VEPH1: variants seen among roughly 807,000 people sequenced by gnomAD.
VEPH1 encodes the protein ventricular zone-expressed PH domain-containing protein homolog 1.
In VEPH1, 80 loss-of-function variants were observed where a neutral mutation model predicts 85.2. That is an observed-to-expected ratio of 0.94 (90% CI 0.78 to 1.13). The LOEUF (loss-of-function observed/expected upper bound fraction) is 1.13. Among genes scored for constraint, VEPH1 ranks in the 50% most tolerant of loss-of-function variants. The pLI is 0.00. For missense variants in VEPH1, 955 were observed against 980.5 expected (o/e 0.97, Z 0.35); for synonymous variants, 297 against 348.0 (o/e 0.85, Z 1.63).
chr3:157,424,237 G>A (rs1033535151), intron 5 of VEPH1, among the ~76,000 whole-genome samples: 6 of 152,296 alleles, frequency 3.9e-5, no homozygotes, highest in South Asian at 2.1e-4. Flanking sequence ...CTGCCACCAT[G>A]TAAGAAGTGC....
intron 1 of VEPH1, among the ~76,000 whole-genome samples, chr3:157,501,781 C>A (rs548912575): frequency 8.1e-4 from 124 of 152,306 alleles, no homozygotes; most frequent in African/African-American, 2.8e-3. Context: ...GGCTTCCTCA[C>A]TTCAGAAAAT....
chr3:157,479,092 G>T (rs1372186078), intron 2 of VEPH1, among the ~76,000 whole-genome samples: 2 of 152,120 alleles, frequency 1.3e-5, no homozygotes, highest in Non-Finnish European at 2.9e-5. Flanking sequence ...TTTGGCAAGG[G>T]ATCAGCTTTG....
chr3:157,286,525 A>G, intron 12 of VEPH1, 32 bp downstream of exon 12: 7 of 1,574,050 alleles, frequency 4.4e-6, no homozygotes, highest in Non-Finnish European at 6.1e-6. Flanking sequence ...TGGGGCACAA[A>G]TGGTTCTTAG....
intron 2 of VEPH1, among the ~76,000 whole-genome samples, chr3:157,471,712 AT>A (rs1736976422): frequency 7.3e-6 from 1 of 137,024 alleles, no homozygotes; most frequent in Non-Finnish European, 1.6e-5. Flanking sequence ...AGGTGACCTC[AT>A]CTTTTTTTTT....
At chr3:157,463,598 C>G (rs1736082275) in intron 3 of VEPH1, among the ~76,000 whole-genome samples, 1 of 152,130 alleles carries the variant, frequency 6.6e-6, no homozygotes, top group Admixed American at 6.5e-5. Flanking sequence ...CTGGCTGCTC[C>G]CTTCCCCAGA....
At position 157,404,246 on chromosome 3, in the gene VEPH1, GC is replaced by G. The variant is rs1730989733; in HGVS notation, c.906+9634del. 3.3e-5 allele frequency among the ~76,000 whole-genome samples: 5 copies of G among 152,242 alleles called. No homozygotes were observed. The South Asian group carries it at 1.0e-3, about 32-fold the overall frequency. On this transcript the variant is annotated intron_variant, in intron 6 of 13. Coordinates refer to ENST00000362010, the MANE Select transcript of VEPH1 (RefSeq NM_001167912.2). ...AGCTAATTACTTGAGGGGGGGTTATGCCAGGGCCACGAGGAGGTATAAGGTA... is the reference window on the plus strand; with the variant it reads ...AGCTAATTACTTGAGGGGGGGTTATGCAGGGCCACGAGGAGGTATAAGGTA...
chr3:157,385,264 A>G (rs965050981), intron 6 of VEPH1, among the ~76,000 whole-genome samples: 1 of 150,026 alleles, frequency 6.7e-6, no homozygotes, highest in African/African-American at 2.4e-5. Flanking sequence ...ATATTTTTCC[A>G]CTCCTTTTTC....
At chr3:157,480,233 A>G (rs1322607560) in intron 2 of VEPH1, among the ~76,000 whole-genome samples, 1 of 151,962 alleles carries the variant, frequency 6.6e-6, no homozygotes, top group African/African-American at 2.4e-5. Context: ...TCTGTTGCCA[A>G]TGAATTCCTT....
intron 8 of VEPH1, 63 bp from the exon 9 acceptor site, chr3:157,363,824 A>C: frequency 6.5e-7 from 1 of 1,540,440 alleles, no homozygotes; most frequent in South Asian, 1.2e-5. Context: ...AAGGAAAAGA[A>C]ATAATAATAA....
chr3:157,398,137 G>A (rs1225989540), intron 6 of VEPH1, among the ~76,000 whole-genome samples: 3 of 152,148 alleles, frequency 2.0e-5, no homozygotes, highest in South Asian at 4.1e-4. Context: ...ACTTATTTGT[G>A]TTCTCACAAC....
At position 157,428,488 on chromosome 3, in the gene VEPH1, C is replaced by T; in HGVS notation, c.530G>A (p.Gly177Asp). Reference sequence around the variant, plus strand: ...TAACACTCTCAACAACATGGTGTTACCTGTTGAGGGAACAATAAAGGGAAT... The same window carrying T: ...TAACACTCTCAACAACATGGTGTTATCTGTTGAGGGAACAATAAAGGGAAT... The part of the protein sequence containing the change: ...TEVIVKSILQ[G>D]NTMLLRVLPA... The change falls in exon 5 of 14, where the codon GGT becomes GAT. Residue 177 changes from glycine to aspartate, a missense_variant and splice_region_variant. Gly to Asp is a moderately conservative substitution (Grantham distance 94). Transcript: ENST00000362010. The T allele has an allele frequency of 1.2e-6, 2 of 1,613,198 alleles. No homozygotes were observed. The highest frequency in any genetic ancestry group is 1.7e-6 in the Non-Finnish European group (2 of 1,179,786).
intron 6 of VEPH1, among the ~76,000 whole-genome samples, chr3:157,390,210 C>CA (rs1161901056): frequency 2.0e-5 from 3 of 151,972 alleles, no homozygotes; most frequent in East Asian, 3.9e-4. Flanking sequence ...CAATAAAAGA[C>CA]AAAAAAAGTT....
chr3:157,351,065 C>A (rs1216096839), intron 9 of VEPH1, among the ~76,000 whole-genome samples: 1 of 152,138 alleles, frequency 6.6e-6, no homozygotes, highest in African/African-American at 2.4e-5. Context: ...GACATTTGCG[C>A]CCCCATGCTT....
rs776371982 is a variant in VEPH1, at chr3:157,261,293, G to T, written c.2343C>A (p.Asp781Glu). Reference protein sequence around the residue: ...SVKAVAKKRRDRSLPRAFEIF... With the variant: ...SVKAVAKKRRERSLPRAFEIF... ...TTTCGAAAGCCCGGGGGAGAGAGCG[G>T]TCCCTGCGTTTCTTGGCCACAGCCT... The change falls in exon 14 of 14, where the codon GAC (aspartate) becomes GAA (glutamate). Residue 781 changes from aspartate to glutamate, a missense_variant. Asp to Glu is a conservative substitution (Grantham distance 45, BLOSUM62 2). Transcript: ENST00000362010. 1.2e-6 allele frequency: 2 copies of T among 1,613,620 alleles called. No homozygotes were observed. Among genetic ancestry groups the T allele is most frequent in the Non-Finnish European group, 1.7e-6 (2 of 1,179,748 alleles).
chr3:157,264,065 T>G (rs111898675), intron 13 of VEPH1, among the ~76,000 whole-genome samples: 7 of 152,228 alleles, frequency 4.6e-5, no homozygotes, highest in African/African-American at 1.4e-4. Flanking sequence ...GTGAAGAAGA[T>G]CCATGCTCCC....
At chr3:157,407,912 G>A (rs1731260629) in intron 6 of VEPH1, among the ~76,000 whole-genome samples, 1 of 152,146 alleles carries the variant, frequency 6.6e-6, no homozygotes, top group African/African-American at 2.4e-5. Context: ...AGGAAACTGA[G>A]TCAAGAGAGG....
intron 4 of VEPH1, among the ~76,000 whole-genome samples, chr3:157,452,346 G>C (rs147982748): frequency 1.5e-3 from 223 of 152,316 alleles, no homozygotes; most frequent in African/African-American, 5.1e-3. Flanking sequence ...GGTGAGATAT[G>C]AAAGTCGGAG....
At chr3:157,310,426 CAAGTA>C (rs1052279080) in intron 11 of VEPH1, among the ~76,000 whole-genome samples, 9 of 152,106 alleles carry the variant, frequency 5.9e-5, no homozygotes, top group African/African-American at 2.2e-4. Context: ...CTCCACTGTA[CAAGTA>C]AAGAAACTGG....
chr3:157,467,464 C>A (rs1031606939), intron 3 of VEPH1, among the ~76,000 whole-genome samples: 5 of 152,060 alleles, frequency 3.3e-5, no homozygotes, highest in African/African-American at 1.2e-4. Context: ...CCACAGGATC[C>A]TAAATTACAA....
Sources: allele counts gnomAD v4.1 joint callset (sites outside exome capture counted in the v4.1 genomes callset), GRCh38; gene constraint gnomAD v4.1.1; transcripts MANE v1.5; gene names NCBI Gene and HGNC (gene_info 2026-07-23, HGNC 2026-07-21).